The following P3H2 variants were observed in gnomAD, a reference collection of about 807,000 sequenced individuals.
P3H2 encodes the protein prolyl 3-hydroxylase 2, also known as leprecan-like 1.
P3H2 carries 80 observed loss-of-function variants against 87.0 expected under a neutral mutation model. The observed-to-expected ratio is 0.92, with a 90% confidence interval of 0.77 to 1.11. The LOEUF (loss-of-function observed/expected upper bound fraction) is 1.11. Among genes scored for constraint, P3H2 ranks in the 50% least tolerant of loss-of-function variants. P3H2 has a pLI of 0.00. For missense variants in P3H2, 1,001 were observed against 923.9 expected (o/e 1.08, Z -1.08); for synonymous variants, 367 against 359.3 (o/e 1.02, Z -0.24).
intron 1 of P3H2, among the ~76,000 whole-genome samples, chr3:190,085,187 TA>T (rs1343916706): frequency 6.6e-6 from 1 of 152,066 alleles, no homozygotes; most frequent in Non-Finnish European, 1.5e-5. Flanking sequence ...GGGGGCATAA[TA>T]AATCAGAGAA....
At chr3:190,014,741 T>A (rs1243409631) in intron 1 of P3H2, among the ~76,000 whole-genome samples, 1 of 152,134 alleles carries the variant, frequency 6.6e-6, no homozygotes, top group Non-Finnish European at 1.5e-5. Flanking sequence ...TCCCTGGCCT[T>A]AGCATGGAAG....
intron 13 of P3H2, among the ~76,000 whole-genome samples, chr3:189,968,590 A>G (rs1351882511): frequency 6.6e-6 from 1 of 152,226 alleles, no homozygotes; most frequent in Admixed American, 6.5e-5. Flanking sequence ...AATGATTTAT[A>G]ATCCTTTGGG....
At chr3:189,959,225 C>CTG (rs1187273956) in intron 14 of P3H2, among the ~76,000 whole-genome samples, 1 of 116,396 alleles carries the variant, frequency 8.6e-6, no homozygotes, top group African/African-American at 4.1e-5. Context: ...TTACACCTGT[C>CTG]TCTTCTTTTT....
rs116336917 is a variant in P3H2, at chr3:190,044,790, T to C, written c.481-49348A>G. The stretch of plus-strand genomic sequence containing the variant: ...GAGTATGAGGTAAACCTCGTCTAAA[T>C]GTCAGGTAAGGCTATTGTCACTATG... On this transcript the variant is annotated intron_variant, in intron 1 of 14. Transcript: ENST00000319332. 3.2e-3 allele frequency among the ~76,000 whole-genome samples: 480 copies of C among 152,256 alleles called. 3 individuals carry two copies. Among genetic ancestry groups the C allele is most frequent in the African/African-American group, 0.011 (458 of 41,544 alleles).
chr3:190,088,957 A>T (rs1727317333), intron 1 of P3H2, among the ~76,000 whole-genome samples: 1 of 152,108 alleles, frequency 6.6e-6, no homozygotes, highest in South Asian at 2.1e-4. Flanking sequence ...AAGTACTTAA[A>T]GTGTGTGAAA....
At chr3:189,990,113 T>C (rs1723833560) in intron 3 of P3H2, among the ~76,000 whole-genome samples, 1 of 152,158 alleles carries the variant, frequency 6.6e-6, no homozygotes, top group African/African-American at 2.4e-5. Context: ...TGGATCTTGG[T>C]GATTTTGCAG....
intron 4 of P3H2, 60 bp from the exon 5 acceptor site, chr3:189,987,729 AG>A: frequency 1.2e-6 from 2 of 1,607,156 alleles, no homozygotes; most frequent in South Asian, 2.2e-5. Flanking sequence ...AGGATTTTAA[AG>A]GGAGGCCATC....
intron 3 of P3H2, among the ~76,000 whole-genome samples, chr3:189,993,215 G>A (rs113296413): frequency 0.021 from 3,202 of 151,586 alleles, 87 homozygotes; most frequent in African/African-American, 0.065. Flanking sequence ...CCAGCTACTC[G>A]GGAGGCTGAG....
intron 1 of P3H2, among the ~76,000 whole-genome samples, chr3:190,098,696 A>G (rs977001650): frequency 6.6e-6 from 1 of 152,214 alleles, no homozygotes; most frequent in Non-Finnish European, 1.5e-5. Context: ...TCTCTAGATC[A>G]GTGTTTCTCA....
chr3:190,012,324 C>G (rs985949983), intron 1 of P3H2, among the ~76,000 whole-genome samples: 1 of 151,768 alleles, frequency 6.6e-6, no homozygotes, highest in African/African-American at 2.4e-5. Context: ...TGTCCTTAAT[C>G]TATTTACCAC....
intron 1 of P3H2, among the ~76,000 whole-genome samples, chr3:190,056,004 C>T (rs776467491): frequency 2.6e-5 from 4 of 152,068 alleles, no homozygotes; most frequent in Non-Finnish European, 5.9e-5. Flanking sequence ...AAGTACTTCA[C>T]GTTAAATGAG....
At chr3:189,980,544 C>A (rs1256229389) in intron 8 of P3H2, among the ~76,000 whole-genome samples, 1 of 150,436 alleles carries the variant, frequency 6.6e-6, no homozygotes, top group Non-Finnish European at 1.5e-5. Context: ...GCCTGGGGGA[C>A]AGAGCGAGAC....
At chr3:190,004,081 T>A (rs1016118413) in intron 1 of P3H2, among the ~76,000 whole-genome samples, 3 of 152,234 alleles carry the variant, frequency 2.0e-5, no homozygotes, top group Non-Finnish European at 4.4e-5. Flanking sequence ...TTTCTCTATG[T>A]GAGTACAGAA....
At chr3:190,043,554 T>C (rs2378559) in intron 1 of P3H2, among the ~76,000 whole-genome samples, 64,972 of 152,080 alleles carry the variant, frequency 0.43, 16,242 homozygotes, top group African/African-American at 0.71. Flanking sequence ...CTTTATCCCC[T>C]CTCACTTTAT....
At chr3:190,091,336 G>T (rs986672253) in intron 1 of P3H2, among the ~76,000 whole-genome samples, 5 of 152,194 alleles carry the variant, frequency 3.3e-5, no homozygotes, top group Admixed American at 6.5e-5. Context: ...TTGCCATATG[G>T]AAACACGAAG....
At chr3:190,050,473 A>G (rs1324907717) in intron 1 of P3H2, among the ~76,000 whole-genome samples, 2 of 152,188 alleles carry the variant, frequency 1.3e-5, no homozygotes, top group African/African-American at 4.8e-5. Context: ...GATCTCTAGA[A>G]GTATCTATGC....
At chr3:190,112,661 G>A (rs1712117294) in intron 1 of P3H2, among the ~76,000 whole-genome samples, 1 of 152,204 alleles carries the variant, frequency 6.6e-6, no homozygotes, top group African/African-American at 2.4e-5. Context: ...ATATAGTACA[G>A]TAGAGCAGAA....
At chr3:190,028,116 A>G (rs1392321026) in intron 1 of P3H2, among the ~76,000 whole-genome samples, 1 of 152,152 alleles carries the variant, frequency 6.6e-6, no homozygotes. Flanking sequence ...ATATTTCTAG[A>G]AGAATGATTG....
At chr3:190,098,334 T>C (rs1307873774) in intron 1 of P3H2, among the ~76,000 whole-genome samples, 1 of 152,184 alleles carries the variant, frequency 6.6e-6, no homozygotes, top group Non-Finnish European at 1.5e-5. Context: ...AATCAGATTG[T>C]GTACAGTTTA....
Sources: gnomAD v4.1 joint callset for allele counts (sites outside exome capture counted in the v4.1 genomes callset) on GRCh38, gnomAD v4.1.1 for gene constraint, MANE v1.5 for transcripts, NCBI Gene and HGNC (gene_info 2026-07-23, HGNC 2026-07-21) for gene names.